DLGAP2: variants seen among roughly 807,000 people sequenced by gnomAD.
DLGAP2 encodes the protein disks large-associated protein 2.
DLGAP2 carries 26 observed loss-of-function variants against 100.3 expected under a neutral mutation model. The ratio of observed to expected loss-of-function variants is 0.26; its 90% confidence interval spans 0.19 to 0.36. The LOEUF (loss-of-function observed/expected upper bound fraction) is 0.36, where lower values mean the gene tolerates loss of function less well. DLGAP2 is among the 10% of genes least tolerant of loss of function. The pLI, the probability that DLGAP2 is intolerant of heterozygous loss-of-function variation, is 1.00. For synonymous variants in DLGAP2, 886 were observed against 630.1 expected (o/e 1.41, Z -6.08); for missense variants, 1,858 against 1,453.2 (o/e 1.28, Z -4.53).
At chr8:949,528 A>G (rs375334543) in intron 2 of DLGAP2, among the ~76,000 whole-genome samples, 35 of 152,282 alleles carry the variant, frequency 2.3e-4, no homozygotes, top group African/African-American at 8.4e-4. Context: ...AGAGGAAGGC[A>G]CAGTCGGGCC....
At chr8:1,377,759 G>C (rs1000570447) in intron 3 of DLGAP2, 1 of 141,980 alleles carries the variant, frequency 7.0e-6, no homozygotes, top group Non-Finnish European at 1.6e-5. Flanking sequence ...TGGTATTCTT[G>C]GTCCAGCACA....
At chr8:1,142,676 G>T (rs117175002) in intron 2 of DLGAP2, among the ~76,000 whole-genome samples, 1 of 152,006 alleles carries the variant, frequency 6.6e-6, no homozygotes, top group Admixed American at 6.6e-5. Flanking sequence ...TCCGTTGGCC[G>T]TTGGAACGGC....
intron 3 of DLGAP2, among the ~76,000 whole-genome samples, chr8:1,286,027 T>C (rs73170417): frequency 0.031 from 4,646 of 152,284 alleles, 109 homozygotes; most frequent in Non-Finnish European, 0.049. Flanking sequence ...CCAACTGATA[T>C]GGTTTGGATC....
At chr8:1,296,901 C>T (rs1464735972) in intron 3 of DLGAP2, 2 of 152,568 alleles carry the variant, frequency 1.3e-5, no homozygotes, top group African/African-American at 4.8e-5. Context: ...AATCCTGAGT[C>T]TGTGTAGGCT....
intron 4 of DLGAP2, among the ~76,000 whole-genome samples, chr8:1,533,597 T>C (rs1467030639): frequency 6.6e-6 from 1 of 152,220 alleles, no homozygotes; most frequent in Non-Finnish European, 1.5e-5. Flanking sequence ...GATTTAAATT[T>C]AAATTTTAAA....
intron 1 of DLGAP2, among the ~76,000 whole-genome samples, chr8:905,856 C>G (rs879497905): frequency 8.4e-5 from 12 of 143,258 alleles, no homozygotes; most frequent in Non-Finnish European, 1.8e-4. Flanking sequence ...GTCTTGTGAC[C>G]TCTCGCGGCC....
At chr8:1,282,260 C>T (rs1365005813) in intron 3 of DLGAP2, among the ~76,000 whole-genome samples, 16 of 140,288 alleles carry the variant, frequency 1.1e-4, no homozygotes, top group Middle Eastern at 4.5e-3. Flanking sequence ...CTGAACCCAG[C>T]GCCCTGAACC....
At position 1,017,487 on chromosome 8, in the gene DLGAP2, GCGCC is replaced by G. The variant is rs1801488901; in HGVS notation, c.73+109522_73+109525del. The stretch of plus-strand genomic sequence containing the variant: ...ACTGTGTGTGTGACCAGGACAGACG[GCGCC>G]TCCACTGTGTGTGTGACCAGGACAG... On this transcript the variant is annotated intron_variant, in intron 2 of 14. Transcript: ENST00000637795. Among the ~76,000 whole-genome samples, 8 of 28,234 alleles carry G rather than the reference GCGCC, an allele frequency of 2.8e-4. 1 individual carries two copies. The highest frequency in any genetic ancestry group is 1.3e-3 in the African/African-American group (8 of 6,026). 18.5% of individuals were successfully genotyped at this position (28,234 alleles called of 152,430 possible). A position where few individuals can be genotyped will look rare whatever the true frequency, so the allele number is the denominator to read the frequency against.
In DLGAP2 at chr8:1,621,143, G is replaced by A. The variant is rs548731532; in HGVS notation, c.1443-5597G>A. The A allele has an allele frequency of 5.3e-5, 8 of 152,338 alleles. No individual in the cohort carries two copies. The Middle Eastern group carries it at 0.017, about 324-fold the overall frequency. 9.4% of individuals were successfully genotyped at this position (152,338 alleles called of 1,614,324 possible). ...CCAAGCACCCAGACTTACGTGGGAG[G>A]TGCCTTATTAAGATGCCTTCTCCTC... is the stretch of plus-strand genomic sequence containing the variant. On this transcript the variant is annotated intron_variant, in intron 6 of 14. Coordinates refer to ENST00000637795, the MANE Select transcript of DLGAP2 (RefSeq NM_001346810.2).
At chr8:1,551,696 C>G (rs951394242) in intron 5 of DLGAP2, among the ~76,000 whole-genome samples, 4 of 152,126 alleles carry the variant, frequency 2.6e-5, no homozygotes, top group African/African-American at 9.7e-5. Flanking sequence ...CATCTGCACT[C>G]ACGCCTTCCC....
chr8:848,163 A>G (rs1193176719), intron 1 of DLGAP2, among the ~76,000 whole-genome samples: 1 of 152,170 alleles, frequency 6.6e-6, no homozygotes, highest in Admixed American at 6.5e-5. Flanking sequence ...CAACCTTGAG[A>G]CACTGGCTTC....
intron 4 of DLGAP2, among the ~76,000 whole-genome samples, chr8:1,522,843 G>C (rs1264490239): frequency 6.6e-6 from 1 of 152,194 alleles, no homozygotes; most frequent in Non-Finnish European, 1.5e-5. Flanking sequence ...GGGATATCAA[G>C]AGGCTATTAT....
chr8:746,760 G>A (rs890600759), intron 1 of DLGAP2, among the ~76,000 whole-genome samples: 17 of 152,308 alleles, frequency 1.1e-4, no homozygotes, highest in Admixed American at 5.9e-4. Context: ...GGATTTGTGC[G>A]TTCTTACCAC....
chr8:1,030,330 T>A (rs1360338319), intron 2 of DLGAP2, among the ~76,000 whole-genome samples: 1 of 152,218 alleles, frequency 6.6e-6, no homozygotes, highest in Non-Finnish European at 1.5e-5. Flanking sequence ...GTTGTGAAAC[T>A]CTTTGTGTAT....
rs1005867939 is a variant in DLGAP2, at chr8:1,704,515, G to A, written c.*3109G>A. Reference sequence around the variant, plus strand: ...TGATGCGTCTCTCGCATCTTCACGTGTTGTTGTGTTTGAAGTAAAACTAGT... The same window carrying A: ...TGATGCGTCTCTCGCATCTTCACGTATTGTTGTGTTTGAAGTAAAACTAGT... On this transcript the variant is annotated 3_prime_UTR_variant, in exon 15 of 15. Transcript: ENST00000637795. 1 of 152,192 alleles carries A rather than the reference G, an allele frequency of 6.6e-6. No individual in the cohort carries two copies. 9.4% of individuals were successfully genotyped at this position (152,192 alleles called of 1,614,324 possible).
intron 3 of DLGAP2, among the ~76,000 whole-genome samples, chr8:1,458,316 C>G (rs1798378772): frequency 6.6e-6 from 1 of 152,002 alleles, no homozygotes; most frequent in South Asian, 2.1e-4. Context: ...GTTTAGTATT[C>G]TGAATAACTG....
chr8:1,376,250 C>G (rs187611532), intron 3 of DLGAP2, among the ~76,000 whole-genome samples: 25 of 152,364 alleles, frequency 1.6e-4, no homozygotes, highest in African/African-American at 5.3e-4. Context: ...GGGCCCGGGA[C>G]GTGCTGTCTC....
intron 1 of DLGAP2, among the ~76,000 whole-genome samples, chr8:889,525 T>C (rs1797991519): frequency 6.6e-6 from 1 of 152,096 alleles, no homozygotes; most frequent in Non-Finnish European, 1.5e-5. Context: ...AGCCACCCAC[T>C]GAGGAAGGAT....
intron 1 of DLGAP2, among the ~76,000 whole-genome samples, chr8:906,686 A>G (rs1584880208): frequency 6.6e-6 from 1 of 152,164 alleles, no homozygotes; most frequent in African/African-American, 2.4e-5. Flanking sequence ...CCCCATGGTT[A>G]TCACAAGGCT....
Sources: allele counts gnomAD v4.1 joint callset (sites outside exome capture counted in the v4.1 genomes callset), GRCh38; gene constraint gnomAD v4.1.1; transcripts MANE v1.5; gene names NCBI Gene and HGNC (gene_info 2026-07-23, HGNC 2026-07-21).